Variants in GSE1 observed in about 807,000 individuals in gnomAD.
GSE1 encodes Gse1 coiled-coil protein.
A neutral mutation model predicts 112.6 loss-of-function variants in GSE1; 32 were observed. The observed-to-expected ratio is 0.28, with a 90% CI of 0.21 to 0.38. The LOEUF (loss-of-function observed/expected upper bound fraction) is 0.38. Among genes scored for constraint, GSE1 ranks in the 10% least tolerant of loss-of-function variants. The pLI is 1.00. For synonymous variants in GSE1, 1,115 were observed against 735.6 expected, an observed-to-expected ratio of 1.52 and a Z score of -8.35; for missense variants, 2,348 against 1,699.2, an observed-to-expected ratio of 1.38 and a Z score of -6.71.
At chr16:85,294,975 G>A (rs947080746) in intron 1 of GSE1, among the ~76,000 whole-genome samples, 29 of 151,766 alleles carry the variant, frequency 1.9e-4, no homozygotes, top group African/African-American at 5.8e-4. Context: ...GGTCTCGAAC[G>A]TCTCACCTCA....
intron 2 of GSE1, among the ~76,000 whole-genome samples, chr16:85,540,366 C>T (rs952798130): frequency 6.6e-6 from 1 of 152,204 alleles, no homozygotes; most frequent in Non-Finnish European, 1.5e-5. Context: ...GCCCTTCACT[C>T]ACACGGAATA....
chr16:85,372,659 C>G (rs1008494648), intron 2 of GSE1, among the ~76,000 whole-genome samples: 3 of 152,194 alleles, frequency 2.0e-5, no homozygotes, highest in Non-Finnish European at 4.4e-5. Flanking sequence ...CTGTGGAGGT[C>G]AGAAGAGACC....
intron 1 of GSE1, among the ~76,000 whole-genome samples, chr16:85,572,547 A>G (rs965565777): frequency 2.7e-5 from 4 of 150,818 alleles, no homozygotes; most frequent in African/African-American, 9.9e-5. Context: ...CGTGCACACA[A>G]CACACAACAC....
intron 1 of GSE1, among the ~76,000 whole-genome samples, chr16:85,588,630 C>G (rs967123043): frequency 6.6e-6 from 1 of 152,248 alleles, no homozygotes; most frequent in Non-Finnish European, 1.5e-5. Context: ...GTGACCTTTG[C>G]TGGGACAAGA....
At chr16:85,218,875 C>T (rs538832754) in intron 1 of GSE1, among the ~76,000 whole-genome samples, 27 of 152,234 alleles carry the variant, frequency 1.8e-4, no homozygotes, top group African/African-American at 6.0e-4. Context: ...TCTGACAGTC[C>T]ATGCGGATTT....
chr16:85,448,104 G>C (rs61160918), intron 2 of GSE1, among the ~76,000 whole-genome samples: 44,095 of 152,114 alleles, frequency 0.29, 7,336 homozygotes, highest in South Asian at 0.41. Flanking sequence ...CCAGCTCTGG[G>C]CTCCTCCGCC....
chr16:85,453,731 C>A (rs1243843670), intron 2 of GSE1, among the ~76,000 whole-genome samples: 1 of 152,146 alleles, frequency 6.6e-6, no homozygotes, highest in Non-Finnish European at 1.5e-5. Flanking sequence ...CTTCATCCAG[C>A]GCCCTCCCTC....
chr16:85,280,849 A>G (rs969934157), intron 1 of GSE1, among the ~76,000 whole-genome samples: 2 of 152,170 alleles, frequency 1.3e-5, no homozygotes, highest in African/African-American at 4.8e-5. Context: ...CTGATTTCTT[A>G]GAAAGCCAGT....
At chr16:85,661,008 C>T (rs1185746606) in intron 8 of GSE1, 138 bp from the exon 9 acceptor site, 3 of 675,548 alleles carry the variant, frequency 4.4e-6, no homozygotes, top group Non-Finnish European at 7.5e-6. Flanking sequence ...TGTGTCCCCT[C>T]CCTGCAGCCC....
intron 2 of GSE1, among the ~76,000 whole-genome samples, chr16:85,636,350 T>C (rs867635453): frequency 3.3e-5 from 5 of 152,106 alleles, no homozygotes; most frequent in South Asian, 2.1e-4. Context: ...TGTGGAGCAG[T>C]GTTTGGGTCC....
intron 1 of GSE1, among the ~76,000 whole-genome samples, chr16:85,186,536 T>C (rs1369526523): frequency 1.3e-5 from 2 of 149,024 alleles, no homozygotes; most frequent in South Asian, 2.1e-4. Flanking sequence ...CTTGGAGGAG[T>C]AGGTTGCAGT....
intron 2 of GSE1, among the ~76,000 whole-genome samples, chr16:85,469,938 G>C (rs1245895273): frequency 6.6e-6 from 1 of 152,212 alleles, no homozygotes; most frequent in Non-Finnish European, 1.5e-5. Flanking sequence ...GGTACCCCAG[G>C]ACCCCATCCT....
In GSE1 at chr16:85,669,203, A is replaced by G. The variant is rs973531254; in HGVS notation, c.3415+779A>G. 2.6e-5 allele frequency among the ~76,000 whole-genome samples: 4 copies of G among 152,214 alleles called. No individual in the cohort carries two copies. The South Asian group carries it at 8.3e-4, about 31-fold the overall frequency. On this transcript the variant is annotated intron_variant, in intron 14 of 15. Coordinates refer to ENST00000253458, the MANE Select transcript of GSE1 (RefSeq NM_014615.5). ...CAGAGGTACCCAGCCTTCATTTTGC[A>G]CTCACCATCCTTACTGCGTGGGCAC...
Position 85,396,871 on chromosome 16 carries a change from G to A in GSE1, c.2464+39228G>A, listed in dbSNP as rs555113363. ...TGGGGGTGCCCTCTCCAGGGAGCCCGTGAAGGTCAGAGAGAGACAGAGAGC... is the reference window on the plus strand; with the variant it reads ...TGGGGGTGCCCTCTCCAGGGAGCCCATGAAGGTCAGAGAGAGACAGAGAGC... On this transcript the variant is annotated intron_variant, in intron 2 of 2. Coordinates refer to the GSE1 transcript ENST00000637419. Among the ~76,000 whole-genome samples the A allele has an allele frequency of 1.5e-4, 23 of 152,100 alleles. No homozygotes were observed. The South Asian group carries it at 2.9e-3, about 19-fold the overall frequency.
chr16:85,253,197 G>A (rs13336850), intron 1 of GSE1, among the ~76,000 whole-genome samples: 7,881 of 151,974 alleles, frequency 0.052, 664 homozygotes, highest in African/African-American at 0.18. Context: ...AGCAGAGAAG[G>A]CGCCAAGGCC....
At chr16:85,237,458 C>T (rs1271310606) in intron 1 of GSE1, among the ~76,000 whole-genome samples, 2 of 152,148 alleles carry the variant, frequency 1.3e-5, no homozygotes, top group East Asian at 3.8e-4. Context: ...GGTGGGGCTA[C>T]AGTCCTGGGA....
In GSE1 at chr16:85,666,251, A is replaced by G. The variant is rs368358654; in HGVS notation, c.3034A>G (p.Ser1012Gly). ...GCTGTCCCACAGCACCAATGGGAAG[A>G]GCAAGCCGTGGGAGCCCTTTGTGGC... ...VPLSHSTNGK[S>G]KPWEPFVAEE... The change falls in exon 13 of 16, where the codon AGC (serine) becomes GGC (glycine). Residue 1012 changes from serine (S) to glycine (G), a missense_variant. Ser to Gly is a moderately conservative substitution (Grantham distance 56, BLOSUM62 0). Coordinates refer to ENST00000253458, the MANE Select transcript of GSE1 (RefSeq NM_014615.5). 3.1e-6 allele frequency: 5 copies of G among 1,613,748 alleles called. No homozygotes were observed. In the African/African-American group the frequency reaches 6.7e-5, roughly 22 times the overall value.
chr16:85,670,380 AT>A (rs375789127), intron 14 of GSE1, among the ~76,000 whole-genome samples: 2 of 149,472 alleles, frequency 1.3e-5, no homozygotes, highest in African/African-American at 2.5e-5. Flanking sequence ...TCATCCTTTG[AT>A]TTTTTTTTTC....
At chr16:85,478,081 G>A (rs2050517685) in intron 2 of GSE1, among the ~76,000 whole-genome samples, 1 of 152,128 alleles carries the variant, frequency 6.6e-6, no homozygotes, top group African/African-American at 2.4e-5. Context: ...TCTGTCTGTG[G>A]ATTTCCCTGT....
Sources: gnomAD v4.1 joint callset for allele counts (sites outside exome capture counted in the v4.1 genomes callset) on GRCh38, gnomAD v4.1.1 for gene constraint, MANE v1.5 for transcripts, NCBI Gene and HGNC (gene_info 2026-07-23, HGNC 2026-07-21) for gene names.